Variants in ETS1 observed in about 807,000 individuals in gnomAD.
ETS1 encodes the protein ETS proto-oncogene 1, transcription factor.
Under a neutral mutation model 58.6 loss-of-function variants are expected in ETS1, and 15 were observed. The ratio of observed to expected loss-of-function variants is 0.26; its 90% CI spans 0.17 to 0.39. ETS1 has a LOEUF of 0.39. ETS1 is among the 10% of genes least tolerant of loss of function. The pLI is 1.00. For missense variants in ETS1, 417 were observed against 610.5 expected (o/e 0.68, Z 3.34); for synonymous variants, 214 against 218.2 (o/e 0.98, Z 0.17).
chr11:128,540,455 T>G (rs1864039455), intron 3 of ETS1, among the ~76,000 whole-genome samples: 1 of 151,976 alleles, frequency 6.6e-6, no homozygotes, highest in Non-Finnish European at 1.5e-5. Flanking sequence ...GTGAATTATA[T>G]CTCAATAAAG....
chr11:128,471,580 A>G (rs972355718), intron 8 of ETS1, among the ~76,000 whole-genome samples: 1 of 152,226 alleles, frequency 6.6e-6, no homozygotes, highest in African/African-American at 2.4e-5. Flanking sequence ...TCAAGTCAGG[A>G]AGTGGGTTTC....
At chr11:128,534,726 T>C (rs1236772132) in intron 3 of ETS1, among the ~76,000 whole-genome samples, 2 of 152,204 alleles carry the variant, frequency 1.3e-5, no homozygotes, top group Non-Finnish European at 2.9e-5. Flanking sequence ...GGCTTCCAGG[T>C]CCATCCATGT....
intron 1 of ETS1, among the ~76,000 whole-genome samples, chr11:128,582,107 A>G (rs992739912): frequency 2.6e-5 from 4 of 152,332 alleles, no homozygotes; most frequent in African/African-American, 9.6e-5. Context: ...GGATTGTGCA[A>G]TTCCAGTGAA....
At chr11:128,512,692 G>A (rs1863422618) in intron 3 of ETS1, among the ~76,000 whole-genome samples, 1 of 152,266 alleles carries the variant, frequency 6.6e-6, no homozygotes, top group Non-Finnish European at 1.5e-5. Flanking sequence ...CCCAAAGCAC[G>A]CAGGCCTGGC....
At chr11:128,581,178 A>G (rs906492663) in intron 1 of ETS1, among the ~76,000 whole-genome samples, 1 of 152,226 alleles carries the variant, frequency 6.6e-6, no homozygotes, top group East Asian at 1.9e-4. Context: ...ATTGTCAACA[A>G]TGGACAGAAA....
rs773465789 is a variant in ETS1, at chr11:128,461,396, C to A, written c.*965G>T. 1.6e-4 allele frequency: 25 copies of A among 152,752 alleles called. No homozygotes were observed. Among genetic ancestry groups the A allele is most frequent in the Admixed American group, 2.6e-4 (4 of 15,280 alleles). The allele number at this position is 152,752 out of a possible 1,614,324, so 9.5% of individuals were successfully genotyped here. A position where few individuals can be genotyped will look rare whatever the true frequency, so the allele number is the denominator to read the frequency against. On this transcript the variant is annotated 3_prime_UTR_variant, in exon 10 of 10. Coordinates refer to ENST00000392668, the MANE Select transcript of ETS1 (RefSeq NM_001143820.2). The stretch of plus-strand genomic sequence containing the variant: ...ACAGTGCTCCTACGTTTACTGTCGT[C>A]CAAAACCAGGGATGCAAAATACATT...
At chr11:128,468,196 C>CTTAGATTTGACTTTTTAAA (rs1276842782) in intron 8 of ETS1, among the ~76,000 whole-genome samples, 5 of 152,190 alleles carry the variant, frequency 3.3e-5, no homozygotes, top group African/African-American at 1.2e-4. Context: ...TCTAAGGCAA[C>CTTAGATTTGACTTTTTAAA]AATCTCACTT....
intron 3 of ETS1, among the ~76,000 whole-genome samples, chr11:128,503,682 C>T (rs535214511): frequency 2.4e-4 from 37 of 152,154 alleles, no homozygotes; most frequent in Non-Finnish European, 4.4e-4. Context: ...TCCCCTATCC[C>T]CTGCTCCCAA....
intron 2 of ETS1, 65 bp downstream of exon 2, chr11:128,572,997 G>C: frequency 7.6e-7 from 1 of 1,320,222 alleles, no homozygotes; most frequent in Admixed American, 1.9e-5. Flanking sequence ...TCAGGATACA[G>C]GAAGCACAAG....
chr11:128,561,428 T>C (rs1864403321), intron 2 of ETS1, among the ~76,000 whole-genome samples: 1 of 152,244 alleles, frequency 6.6e-6, no homozygotes, highest in African/African-American at 2.4e-5. Flanking sequence ...AATTTTGATT[T>C]TTTTCATAAT....
At chr11:128,524,836 G>T (rs573936030) in intron 3 of ETS1, among the ~76,000 whole-genome samples, 1 of 152,230 alleles carries the variant, frequency 6.6e-6, no homozygotes, top group Non-Finnish European at 1.5e-5. Flanking sequence ...TTGTGAAGAT[G>T]AACTAAAAAG....
At position 128,462,152 on chromosome 11, in the gene ETS1, T is replaced by G; in HGVS notation, c.*209A>C. On this transcript the variant is annotated 3_prime_UTR_variant, in exon 10 of 10. Coordinates refer to ENST00000392668, the MANE Select transcript of ETS1 (RefSeq NM_001143820.2). ...TCTCCTGAAAATTTGCTCAAGAATT[T>G]CTGGTCCCACCCACCCCACAAGTCC... 1 of 524,378 alleles carries G rather than the reference T, an allele frequency of 1.9e-6. No homozygotes were observed. Among genetic ancestry groups the G allele is most frequent in the South Asian group, 3.0e-5 (1 of 33,556 alleles). 32.5% of individuals were successfully genotyped at this position (524,378 alleles called of 1,614,324 possible). A position where few individuals can be genotyped will look rare whatever the true frequency, so the allele number is the denominator to read the frequency against.
intron 3 of ETS1, among the ~76,000 whole-genome samples, chr11:128,500,859 G>A (rs1279429131): frequency 6.6e-6 from 1 of 152,174 alleles, no homozygotes; most frequent in Non-Finnish European, 1.5e-5. Flanking sequence ...GGCAGGACCT[G>A]AAGAACGACC....
chr11:128,476,706 T>A (rs554804021), intron 8 of ETS1, among the ~76,000 whole-genome samples: 3 of 152,376 alleles, frequency 2.0e-5, no homozygotes, highest in Admixed American at 2.0e-4. Context: ...ATAGAAAGCA[T>A]TGGGCTACTT....
intron 3 of ETS1, among the ~76,000 whole-genome samples, chr11:128,544,711 C>T (rs1397203012): frequency 6.6e-6 from 1 of 152,102 alleles, no homozygotes; most frequent in Non-Finnish European, 1.5e-5. Flanking sequence ...ATGCACTCTA[C>T]ACTCACTCAC....
At chr11:128,571,203 C>A (rs1010417527) in intron 2 of ETS1, among the ~76,000 whole-genome samples, 2 of 150,696 alleles carry the variant, frequency 1.3e-5, no homozygotes, top group African/African-American at 4.9e-5. Flanking sequence ...CCGAGGCGGG[C>A]GGATCACGAG....
intron 3 of ETS1, among the ~76,000 whole-genome samples, chr11:128,541,732 G>A (rs542136161): frequency 3.9e-5 from 6 of 152,248 alleles, no homozygotes; most frequent in South Asian, 2.1e-4. Context: ...CTGAGTGTCC[G>A]TGGCAATTTA....
chr11:128,563,092 T>C (rs914059779), intron 2 of ETS1, among the ~76,000 whole-genome samples: 4 of 152,184 alleles, frequency 2.6e-5, no homozygotes, highest in Non-Finnish European at 5.9e-5. Context: ...CAGTCTTCAA[T>C]GTCCACATGC....
intron 3 of ETS1, chr11:128,536,263 A>G (rs1429431351): frequency 6.6e-6 from 1 of 152,252 alleles, no homozygotes; most frequent in Non-Finnish European, 1.5e-5. Context: ...TGTGAAAATC[A>G]CACCTGTTAA....
Sources: gnomAD v4.1 joint callset for allele counts (sites outside exome capture counted in the v4.1 genomes callset) on GRCh38, gnomAD v4.1.1 for gene constraint, MANE v1.5 for transcripts, NCBI Gene and HGNC (gene_info 2026-07-23, HGNC 2026-07-21) for gene names.